The following PIGL variants were observed in gnomAD, a reference collection of about 807,000 sequenced individuals.
PIGL encodes the protein N-acetylglucosaminyl-phosphatidylinositol de-N-acetylase.
A neutral mutation model predicts 31.1 loss-of-function variants in PIGL; 22 were observed. The ratio of observed to expected loss-of-function variants is 0.71; its 90% CI spans 0.51 to 1.01. The LOEUF (loss-of-function observed/expected upper bound fraction) is 1.01. Ranked by LOEUF, PIGL falls within the 50% of genes least tolerant of loss-of-function variation. The probability of loss-of-function intolerance (pLI) is 0.00; values close to 1 mark genes in which losing one functional copy is unlikely to be tolerated. For missense variants in PIGL, 302 were observed against 315.9 expected (o/e 0.96, Z 0.33); for synonymous variants, 131 against 117.4 (o/e 1.12, Z -0.75).
At chr17:16,270,980 G>A (rs1352598838) in intron 2 of PIGL, among the ~76,000 whole-genome samples, 1 of 151,822 alleles carries the variant, frequency 6.6e-6, no homozygotes, top group Non-Finnish European at 1.5e-5. Flanking sequence ...TTTGTAATTG[G>A]GATGTATTAT....
chr17:16,319,252 CTA>C (rs1004194407), intron 6 of PIGL, among the ~76,000 whole-genome samples: 1 of 134,816 alleles, frequency 7.4e-6, no homozygotes. Flanking sequence ...AAAATCAAAA[CTA>C]TTTATTATGA....
intron 2 of PIGL, among the ~76,000 whole-genome samples, chr17:16,288,704 T>A (rs1023875686): frequency 6.6e-6 from 1 of 152,018 alleles, no homozygotes; most frequent in Admixed American, 6.6e-5. Flanking sequence ...TGTGCCCGGC[T>A]AATTTTGTAG....
intron 1 of PIGL, among the ~76,000 whole-genome samples, chr17:16,233,702 T>C (rs955538187): frequency 1.3e-5 from 2 of 152,176 alleles, no homozygotes; most frequent in Admixed American, 6.5e-5. Flanking sequence ...ATGCTGCCTC[T>C]AGCATGTGAC....
At chr17:16,229,481 CTTTTTTTTTT>C (rs71353784) in intron 1 of PIGL, among the ~76,000 whole-genome samples, 1 of 114,218 alleles carries the variant, frequency 8.8e-6, no homozygotes, top group Non-Finnish European at 1.8e-5. Flanking sequence ...ACCGGTTTTC[CTTTTTTTTTT>C]TTTTTTTTTT....
chr17:16,234,650 A>T (rs956032395), intron 2 of PIGL, among the ~76,000 whole-genome samples: 3 of 152,142 alleles, frequency 2.0e-5, no homozygotes, highest in South Asian at 4.1e-4. Flanking sequence ...CTGTAATCTC[A>T]GCTACTTGGG....
At chr17:16,318,258 G>A (rs2093087090) in intron 6 of PIGL, among the ~76,000 whole-genome samples, 1 of 151,638 alleles carries the variant, frequency 6.6e-6, no homozygotes, top group South Asian at 2.1e-4. Flanking sequence ...AACATGTTGG[G>A]CTACATCTTT....
intron 1 of PIGL, among the ~76,000 whole-genome samples, chr17:16,219,068 T>TC (rs139910376): frequency 0.018 from 675 of 38,464 alleles, 19 homozygotes; most frequent in African/African-American, 0.033. Flanking sequence ...TTTATAAATT[T>TC]TTTTTTTTTT....
intron 1 of PIGL, among the ~76,000 whole-genome samples, chr17:16,219,916 A>G (rs2092618542): frequency 6.6e-6 from 1 of 152,126 alleles, no homozygotes; most frequent in Admixed American, 6.6e-5. Flanking sequence ...GAGTCAAATT[A>G]TAAGCAAATT....
intron 2 of PIGL, among the ~76,000 whole-genome samples, chr17:16,262,477 A>C (rs2092823295): frequency 6.6e-6 from 1 of 152,194 alleles, no homozygotes; most frequent in African/African-American, 2.4e-5. Context: ...GTAGGCAAGA[A>C]AAATGATGCA....
At chr17:16,276,014 A>T (rs1158391180) in intron 2 of PIGL, among the ~76,000 whole-genome samples, 1 of 151,978 alleles carries the variant, frequency 6.6e-6, no homozygotes, top group Non-Finnish European at 1.5e-5. Flanking sequence ...ACAGAGTGAG[A>T]CTCTGTCTCA....
At chr17:16,258,890 A>G (rs982542906) in intron 2 of PIGL, among the ~76,000 whole-genome samples, 1 of 152,234 alleles carries the variant, frequency 6.6e-6, no homozygotes. Context: ...AAAACTTTGT[A>G]TATGAGACAA....
chr17:16,306,950 C>T (rs1350750623), intron 3 of PIGL, among the ~76,000 whole-genome samples: 1 of 152,184 alleles, frequency 6.6e-6, no homozygotes, highest in Non-Finnish European at 1.5e-5. Context: ...CTGCGACTGC[C>T]CAGCCCTGGG....
intron 2 of PIGL, among the ~76,000 whole-genome samples, chr17:16,266,906 TGGG>T (rs5819561): frequency 0.054 from 6,606 of 123,128 alleles, 519 homozygotes; most frequent in African/African-American, 0.17. Context: ...TCTTTTTTTT[TGGG>T]GGGGGGGGGG....
intron 2 of PIGL, among the ~76,000 whole-genome samples, chr17:16,274,877 C>T (rs1434105168): frequency 6.6e-6 from 1 of 151,720 alleles, no homozygotes; most frequent in African/African-American, 2.4e-5. Context: ...ACTAAATATA[C>T]AAAAATTAGC....
intron 2 of PIGL, among the ~76,000 whole-genome samples, chr17:16,276,676 G>A (rs2092897134): frequency 6.6e-6 from 1 of 152,220 alleles, no homozygotes; most frequent in African/African-American, 2.4e-5. Context: ...GGTGGAGGTT[G>A]CAGTAAGGCA....
chr17:16,311,483 A>ATTTTTTTTTTTTTTTTTTTTTT (rs2093050016), intron 3 of PIGL, among the ~76,000 whole-genome samples: 1 of 6,308 alleles, frequency 1.6e-4, no homozygotes. Context: ...TTTTTTTTTG[A>ATTTTTTTTTTTTTTTTTTTTTT]TCATTCTTGG....
At chr17:16,316,895 C>T in intron 5 of PIGL, 183 bp downstream of exon 5, 2 of 1,379,488 alleles carry the variant, frequency 1.4e-6, no homozygotes, top group Non-Finnish European at 1.9e-6. Flanking sequence ...CCAGCAAGTG[C>T]CTGCCTGCAG....
chr17:16,311,190 A>G (rs1208692109), intron 3 of PIGL, among the ~76,000 whole-genome samples: 1 of 151,904 alleles, frequency 6.6e-6, no homozygotes, highest in Non-Finnish European at 1.5e-5. Context: ...CATCACCCCT[A>G]ATCAATCATT....
rs536753016 is a variant in PIGL at position 16,322,250 on chromosome 17, C to T, written c.661-3550C>T. On this transcript the variant is annotated intron_variant, in intron 6 of 6. Transcript: ENST00000225609. ...CTGGGACTATAGGGGCCCGCCACTT[C>T]GCCCGGCTAATTTTTGTATTTTTAG... Among the ~76,000 whole-genome samples the T allele has an allele frequency of 1.1e-3, 174 of 152,154 alleles. 1 individual carries two copies. Among genetic ancestry groups the T allele is most frequent in the African/African-American group, 4.0e-3 (167 of 41,538 alleles).
Sources: gnomAD v4.1 joint callset for allele counts (sites outside exome capture counted in the v4.1 genomes callset) on GRCh38, gnomAD v4.1.1 for gene constraint, MANE v1.5 for transcripts, NCBI Gene and HGNC (gene_info 2026-07-23, HGNC 2026-07-21) for gene names.